The following WDR7 variants were observed in gnomAD, a reference collection of about 807,000 sequenced individuals.
The protein encoded by WDR7 is WD repeat domain 7.
Under a neutral mutation model 169.4 loss-of-function variants are expected in WDR7, and 46 were observed. The ratio of observed to expected loss-of-function variants is 0.27; its 90% CI spans 0.21 to 0.35. The LOEUF is 0.35. Among genes scored for constraint, WDR7 ranks in the 10% least tolerant of loss-of-function variants. The pLI, the probability that WDR7 is intolerant of heterozygous loss-of-function variation, is 1.00. For synonymous variants in WDR7, 612 were observed against 666.8 expected (o/e 0.92, Z 1.27); for missense variants, 1,534 against 1,859.3 (o/e 0.83, Z 3.22).
chr18:56,704,929 A>G (rs866304028), intron 12 of WDR7, among the ~76,000 whole-genome samples: 1 of 152,198 alleles, frequency 6.6e-6, no homozygotes, highest in South Asian at 2.1e-4. Context: ...GTATTACACA[A>G]CAACTAATTT....
chr18:56,867,175 C>T lies in WDR7; in HGVS notation c.3305-12769C>T, dbSNP rs534346317. ...GAGCAGCTGAGACTGCAGGCACTCA[C>T]CACCACACCTGGCTAATTTTTTTTA... On this transcript the variant is annotated intron_variant, in intron 20 of 27. Coordinates refer to ENST00000254442, the MANE Select transcript of WDR7 (RefSeq NM_015285.3). Among the ~76,000 whole-genome samples the T allele has an allele frequency of 2.5e-3, 379 of 152,140 alleles. 2 individuals are homozygous for T. Among genetic ancestry groups the T allele is most frequent in the Admixed American group, 5.0e-3 (76 of 15,270 alleles).
At chr18:56,930,295 A>C (rs180676951) in intron 22 of WDR7, among the ~76,000 whole-genome samples, 2 of 152,348 alleles carry the variant, frequency 1.3e-5, no homozygotes, top group Admixed American at 1.3e-4. Flanking sequence ...TGCTAGCTCA[A>C]ATCTCAGCCA....
At chr18:56,991,222 C>A (rs1383452612) in intron 26 of WDR7, among the ~76,000 whole-genome samples, 1 of 147,872 alleles carries the variant, frequency 6.8e-6, no homozygotes, top group Non-Finnish European at 1.5e-5. Flanking sequence ...TCGCGGCTCA[C>A]CGCAAGCTCC....
intron 12 of WDR7, among the ~76,000 whole-genome samples, chr18:56,703,536 A>G (rs1337817197): frequency 6.6e-6 from 1 of 152,178 alleles, no homozygotes; most frequent in Non-Finnish European, 1.5e-5. Flanking sequence ...ATTTTCTTAA[A>G]ATACAATGTA....
rs566956902 is a variant in WDR7, at chr18:56,807,147, C to CAA, written c.3191-8865_3191-8864dup. On this transcript the variant is annotated intron_variant, in intron 19 of 27. Coordinates refer to ENST00000254442, the MANE Select transcript of WDR7 (RefSeq NM_015285.3). ...TAACCTCTGCCTAGGTGATCCTAGC[C>CAA]AAAAAAAAAAAAAAAAAAAATTCAT... Among the ~76,000 whole-genome samples the CAA allele has an allele frequency of 1.8e-3, 151 of 84,080 alleles. 1 individual carries two copies. Among genetic ancestry groups the CAA allele is most frequent in the Admixed American group, 2.4e-3 (17 of 7,226 alleles). 55.2% of individuals were successfully genotyped at this position (84,080 alleles called of 152,430 possible).
chr18:56,971,846 A>G (rs1052092254), intron 26 of WDR7, among the ~76,000 whole-genome samples: 3 of 152,216 alleles, frequency 2.0e-5, no homozygotes, highest in Admixed American at 6.5e-5. Flanking sequence ...TATTACAGCA[A>G]TTTTCAAATC....
At chr18:56,966,280 A>C (rs780547477) in intron 26 of WDR7, among the ~76,000 whole-genome samples, 1 of 151,982 alleles carries the variant, frequency 6.6e-6, no homozygotes, top group Non-Finnish European at 1.5e-5. Context: ...AGTTACGTCA[A>C]GTGTGCCTTG....
chr18:56,813,196 TAA>T (rs112941474), intron 19 of WDR7, among the ~76,000 whole-genome samples: 4,509 of 146,832 alleles, frequency 0.031, 105 homozygotes, highest in African/African-American at 0.06. Context: ...AAAAAAACAT[TAA>T]AAAAAAAAAA....
chr18:56,749,898 TTAA>T (rs1417336876), intron 14 of WDR7, among the ~76,000 whole-genome samples: 1 of 151,416 alleles, frequency 6.6e-6, no homozygotes, highest in Admixed American at 6.6e-5. Context: ...ATTAAAATAT[TTAA>T]TAATAAACAT....
intron 26 of WDR7, among the ~76,000 whole-genome samples, chr18:56,988,531 A>T (rs1337573489): frequency 6.6e-6 from 1 of 152,008 alleles, no homozygotes; most frequent in Non-Finnish European, 1.5e-5. Context: ...TCTTTGAAAA[A>T]AATATAAATT....
chr18:56,834,922 T>C (rs2045372815), intron 20 of WDR7, among the ~76,000 whole-genome samples: 1 of 152,224 alleles, frequency 6.6e-6, no homozygotes, highest in Non-Finnish European at 1.5e-5. Context: ...CCCTGCTTTA[T>C]GACCTCTGTG....
chr18:56,854,837 G>A (rs1296049796), intron 20 of WDR7, among the ~76,000 whole-genome samples: 3 of 152,104 alleles, frequency 2.0e-5, no homozygotes, highest in Non-Finnish European at 4.4e-5. Flanking sequence ...AGAGAGGGCA[G>A]GGGAAGCTCA....
At chr18:56,925,913 T>A (rs1450935860) in intron 22 of WDR7, among the ~76,000 whole-genome samples, 1 of 152,166 alleles carries the variant, frequency 6.6e-6, no homozygotes, top group Non-Finnish European at 1.5e-5. Flanking sequence ...ATCTACAAGT[T>A]GGGGCTAATT....
At chr18:56,943,343 CTT>C (rs557319976) in intron 25 of WDR7, among the ~76,000 whole-genome samples, 1,836 of 145,066 alleles carry the variant, frequency 0.013, 51 homozygotes, top group African/African-American at 0.044. Context: ...GTTTTGTATT[CTT>C]TTTTTTTTTG....
intron 25 of WDR7, among the ~76,000 whole-genome samples, chr18:56,944,774 G>T (rs1272516545): frequency 6.6e-6 from 1 of 152,058 alleles, no homozygotes; most frequent in Non-Finnish European, 1.5e-5. Context: ...TAAAACATGG[G>T]ATTATAGCAA....
intron 21 of WDR7, among the ~76,000 whole-genome samples, chr18:56,899,557 G>A (rs568690728): frequency 2.0e-5 from 3 of 152,040 alleles, no homozygotes; most frequent in African/African-American, 7.2e-5. Flanking sequence ...GGCATCTTTT[G>A]TTTTACCTTT....
chr18:56,827,208 T>G (rs7242027), intron 20 of WDR7, among the ~76,000 whole-genome samples: 1 of 152,046 alleles, frequency 6.6e-6, no homozygotes, highest in South Asian at 2.1e-4. Flanking sequence ...ACAGCTTCCT[T>G]ACTTGTTCAT....
intron 22 of WDR7, among the ~76,000 whole-genome samples, chr18:56,926,296 G>A (rs2046806834): frequency 6.6e-6 from 1 of 152,116 alleles, no homozygotes; most frequent in African/African-American, 2.4e-5. Flanking sequence ...CAGCTGCCAT[G>A]TGCACCCGCC....
chr18:56,930,200 A>G (rs1020320372), intron 22 of WDR7, among the ~76,000 whole-genome samples: 2 of 152,222 alleles, frequency 1.3e-5, no homozygotes, highest in African/African-American at 4.8e-5. Flanking sequence ...GAAACCACAC[A>G]TGCTTTGATG....
Sources: gnomAD v4.1 joint callset for allele counts (sites outside exome capture counted in the v4.1 genomes callset) on GRCh38, gnomAD v4.1.1 for gene constraint, MANE v1.5 for transcripts, NCBI Gene and HGNC (gene_info 2026-07-23, HGNC 2026-07-21) for gene names.